The following MAP4 variants were observed in gnomAD, a reference collection of about 807,000 sequenced individuals.
MAP4 encodes the protein microtubule-associated protein 4.
Under a neutral mutation model 170.2 loss-of-function variants are expected in MAP4, and 76 were observed. The observed-to-expected ratio is 0.45, with a 90% CI of 0.37 to 0.54. The LOEUF is 0.54. MAP4 is among the 20% of genes least tolerant of loss of function. MAP4 has a pLI of 0.00. For missense variants in MAP4, 2,506 were observed against 2,748.0 expected, an observed-to-expected ratio of 0.91 and a Z score of 1.97; for synonymous variants, 909 against 994.5, an observed-to-expected ratio of 0.91 and a Z score of 1.62.
At chr3:48,032,505 A>C (rs964405106) in intron 1 of MAP4, among the ~76,000 whole-genome samples, 22 of 151,670 alleles carry the variant, frequency 1.5e-4, no homozygotes, top group Admixed American at 1.4e-3. Flanking sequence ...TCCGTCTCAA[A>C]AAAAAAAAAA....
chr3:47,913,162 T>G (rs765604643), intron 8 of MAP4, among the ~76,000 whole-genome samples: 25 of 152,188 alleles, frequency 1.6e-4, no homozygotes, highest in Non-Finnish European at 2.4e-4. Flanking sequence ...GATGAGTACC[T>G]TTGGAAGAGT....
intron 1 of MAP4, among the ~76,000 whole-genome samples, chr3:48,062,517 A>AC (rs1491532005): frequency 6.8e-6 from 1 of 148,028 alleles, no homozygotes; most frequent in South Asian, 2.1e-4. Flanking sequence ...AAAAAAAAAA[A>AC]CATCACTATG....
intron 1 of MAP4, among the ~76,000 whole-genome samples, chr3:48,049,168 C>G: frequency 6.6e-6 from 1 of 152,210 alleles, no homozygotes. Context: ...TTGCTTTACA[C>G]TTGTTGACAC....
chr3:48,053,842 G>T (rs1026168349), intron 1 of MAP4, among the ~76,000 whole-genome samples: 1 of 152,042 alleles, frequency 6.6e-6, no homozygotes, highest in Non-Finnish European at 1.5e-5. Context: ...AAAAGTTCAT[G>T]AGTAGTATAT....
intron 3 of MAP4, among the ~76,000 whole-genome samples, chr3:47,939,741 G>T: frequency 6.8e-6 from 1 of 146,802 alleles, no homozygotes; most frequent in Non-Finnish European, 1.5e-5. Context: ...ACCACCTCTT[G>T]ATCAAAAAAT....
At chr3:47,952,838 T>G (rs549981776) in intron 3 of MAP4, among the ~76,000 whole-genome samples, 1 of 151,986 alleles carries the variant, frequency 6.6e-6, no homozygotes, top group African/African-American at 2.4e-5. Flanking sequence ...GCAGAAAAAT[T>G]GCTTGAACTT....
At chr3:48,000,221 CAAAAAAAAA>C (rs530513032) in intron 1 of MAP4, among the ~76,000 whole-genome samples, 37,404 of 79,702 alleles carry the variant, frequency 0.47, 6,359 homozygotes, top group Admixed American at 0.54. Flanking sequence ...ACTCCCCCAT[CAAAAAAAAA>C]AAAAAAAAAA....
At chr3:47,947,562 C>T (rs1376283184) in intron 3 of MAP4, among the ~76,000 whole-genome samples, 3 of 152,194 alleles carry the variant, frequency 2.0e-5, no homozygotes, top group Non-Finnish European at 2.9e-5. Flanking sequence ...CCTGTAATCC[C>T]ACCACTTTGG....
In MAP4 at chr3:47,871,058, T is replaced by C; in HGVS notation, c.6049A>G (p.Thr2017Ala). The part of the protein sequence containing the change: ...KSTSTSSMKK[T>A]TTLSGTAPAA... ...GGGGCTGTCCCACTGAGAGTGGTGGTTTTCTTCATGGAACTGGTGGAGGTG... is the reference window on the plus strand; with the variant it reads ...GGGGCTGTCCCACTGAGAGTGGTGGCTTTCTTCATGGAACTGGTGGAGGTG... The change falls in exon 15 of 21, where the codon ACC becomes GCC. Residue 2017 changes from threonine to alanine, a missense_variant. Physicochemically the swap from Thr to Ala is moderately conservative, Grantham distance 58. Coordinates refer to ENST00000683076, the MANE Select transcript of MAP4 (RefSeq NM_001385682.1). The C allele has an allele frequency of 6.2e-7, 1 of 1,611,328 alleles. No homozygotes were observed. The highest frequency in any genetic ancestry group is 1.1e-5 in the South Asian group (1 of 90,874).
At chr3:48,083,267 T>C (rs991104626) in intron 1 of MAP4, among the ~76,000 whole-genome samples, 2 of 152,240 alleles carry the variant, frequency 1.3e-5, no homozygotes, top group African/African-American at 4.8e-5. Flanking sequence ...AGAATGTATA[T>C]AGAAAGTCTG....
intron 3 of MAP4, among the ~76,000 whole-genome samples, chr3:47,956,194 G>A (rs557759362): frequency 7.9e-5 from 12 of 152,170 alleles, no homozygotes; most frequent in Admixed American, 5.2e-4. Context: ...AATTCAAGCA[G>A]GTCCAGAAAT....
At position 48,087,743 on chromosome 3, in the gene MAP4, GCGCACACACACACA is replaced by G. The variant is rs1459883103; in HGVS notation, c.-20+1016_-20+1029del. Among the ~76,000 whole-genome samples, 66 of 68,046 alleles carry G rather than the reference GCGCACACACACACA, an allele frequency of 9.7e-4. 1 individual carries two copies. The highest frequency in any genetic ancestry group is 1.7e-3 in the Non-Finnish European group (53 of 31,906). The allele number at this position is 68,046 out of a possible 152,430, so 44.6% of individuals were successfully genotyped here. A position where few individuals can be genotyped will look rare whatever the true frequency, so the allele number is the denominator to read the frequency against. Reference sequence around the variant, plus strand: ...CACACGCACGCGCACACACACGCACGCGCACACACACACACACACACACACACACACACACTGCA... The same window carrying G: ...CACACGCACGCGCACACACACGCACGCACACACACACACACACACACTGCA... On this transcript the variant is annotated intron_variant, in intron 1 of 18. Transcript: ENST00000360240.
At chr3:47,952,064 C>T (rs1351459644) in intron 3 of MAP4, among the ~76,000 whole-genome samples, 4 of 148,596 alleles carry the variant, frequency 2.7e-5, no homozygotes, top group Admixed American at 6.7e-5. Flanking sequence ...AGGTGAGGAG[C>T]GTCTCTGCCC....
intron 1 of MAP4, among the ~76,000 whole-genome samples, chr3:48,038,459 CTTT>C (rs397989482): frequency 1.6e-5 from 2 of 121,982 alleles, no homozygotes; most frequent in African/African-American, 3.1e-5. Flanking sequence ...TGCACTGAAA[CTTT>C]TTTTTTTTTT....
intron 3 of MAP4, among the ~76,000 whole-genome samples, chr3:47,930,553 C>A (rs970730115): frequency 6.6e-6 from 1 of 151,774 alleles, no homozygotes; most frequent in Non-Finnish European, 1.5e-5. Context: ...GAAATATCTG[C>A]AAATCATAAA....
At chr3:47,874,243 G>A (rs1265224505) in intron 12 of MAP4, among the ~76,000 whole-genome samples, 4 of 152,126 alleles carry the variant, frequency 2.6e-5, no homozygotes, top group Admixed American at 6.5e-5. Flanking sequence ...CGAGGCAGGC[G>A]GATCACCTGA....
intron 1 of MAP4, among the ~76,000 whole-genome samples, chr3:48,080,891 A>G (rs1019360105): frequency 6.6e-6 from 1 of 152,024 alleles, no homozygotes; most frequent in Admixed American, 6.6e-5. Context: ...TTGGGAGGCC[A>G]AGGTGGGCAG....
chr3:48,070,222 C>T (rs947456264), intron 1 of MAP4, among the ~76,000 whole-genome samples: 14 of 150,996 alleles, frequency 9.3e-5, no homozygotes, highest in Non-Finnish European at 2.9e-5. Context: ...TCTCCCTCCT[C>T]AGGTGCTACT....
At chr3:48,003,258 T>A (rs2100100311) in intron 1 of MAP4, among the ~76,000 whole-genome samples, 1 of 151,716 alleles carries the variant, frequency 6.6e-6, no homozygotes, top group Non-Finnish European at 1.5e-5. Context: ...ATCGAGACCA[T>A]CCTGGTTAAC....
Sources: allele counts gnomAD v4.1 joint callset (sites outside exome capture counted in the v4.1 genomes callset), GRCh38; gene constraint gnomAD v4.1.1; transcripts MANE v1.5; gene names NCBI Gene and HGNC (gene_info 2026-07-23, HGNC 2026-07-21).